Variants in SYT1 observed in about 807,000 individuals in gnomAD.
SYT1 encodes synaptotagmin-1.
In SYT1, 8 loss-of-function variants were observed where a neutral mutation model predicts 44.8. That is an observed-to-expected ratio of 0.18 (90% CI 0.10 to 0.32). SYT1 has a LOEUF of 0.32. SYT1 is among the 10% of genes least tolerant of loss of function. The probability of loss-of-function intolerance (pLI) is 1.00; values close to 1 mark genes in which losing one functional copy is unlikely to be tolerated. For synonymous variants in SYT1, 154 were observed against 188.8 expected (o/e 0.82, Z 1.51); for missense variants, 286 against 509.3 (o/e 0.56, Z 4.22).
rs187086511 is a variant in SYT1, at chr12:78,943,935, C to A, written c.-216-33864C>A. Among the ~76,000 whole-genome samples, 379 of 152,314 alleles carry A rather than the reference C, an allele frequency of 2.5e-3. 6 individuals are homozygous for A. The Middle Eastern group carries it at 0.031, about 12-fold the overall frequency. On this transcript the variant is annotated intron_variant, in intron 1 of 10. Coordinates refer to ENST00000261205, the MANE Select transcript of SYT1 (RefSeq NM_005639.3). Reference sequence around the variant, plus strand: ...GAACCTCATACTAAGTCAGAAGTTACAACTTCTTCCTGTTGAATTAGTTGC... The same window carrying A: ...GAACCTCATACTAAGTCAGAAGTTAAAACTTCTTCCTGTTGAATTAGTTGC...
intron 1 of SYT1, among the ~76,000 whole-genome samples, chr12:78,920,003 T>C (rs1876888547): frequency 7.2e-6 from 1 of 139,648 alleles, no homozygotes; most frequent in Non-Finnish European, 1.5e-5. Flanking sequence ...TAGCAATATA[T>C]TGTAGAGTAT....
At chr12:79,042,218 A>G (rs1027447011) in intron 2 of SYT1, among the ~76,000 whole-genome samples, 2 of 151,800 alleles carry the variant, frequency 1.3e-5, no homozygotes, top group African/African-American at 4.8e-5. Flanking sequence ...TCCTCCTTAT[A>G]CCTCTGGTAG....
At chr12:78,979,195 G>A (rs1869066012) in intron 2 of SYT1, among the ~76,000 whole-genome samples, 3 of 151,956 alleles carry the variant, frequency 2.0e-5, no homozygotes, top group Non-Finnish European at 2.9e-5. Flanking sequence ...AATTTACATT[G>A]GATATTTTAA....
At chr12:79,139,007 C>T (rs776958006) in intron 3 of SYT1, among the ~76,000 whole-genome samples, 24 of 152,220 alleles carry the variant, frequency 1.6e-4, no homozygotes, top group Non-Finnish European at 3.2e-4. Flanking sequence ...GCAAGGTCCA[C>T]AGGACTGGCA....
intron 1 of SYT1, among the ~76,000 whole-genome samples, chr12:78,922,498 A>C (rs1877063271): frequency 6.6e-6 from 1 of 151,912 alleles, no homozygotes; most frequent in Non-Finnish European, 1.5e-5. Context: ...AAATTAAAAA[A>C]ATTCTCAGAC....
At chr12:79,311,920 A>T (rs988951991) in intron 8 of SYT1, among the ~76,000 whole-genome samples, 13 of 147,762 alleles carry the variant, frequency 8.8e-5, no homozygotes, top group African/African-American at 2.7e-4. Flanking sequence ...CTAATGCTAA[A>T]TGACGAGTTA....
chr12:79,153,615 A>G (rs909690410), intron 3 of SYT1, among the ~76,000 whole-genome samples: 2 of 152,150 alleles, frequency 1.3e-5, no homozygotes, highest in Non-Finnish European at 1.5e-5. Flanking sequence ...CTATGCAGCA[A>G]TGGTAACCCT....
At chr12:79,336,560 G>A (rs988321266) in intron 8 of SYT1, among the ~76,000 whole-genome samples, 2 of 151,898 alleles carry the variant, frequency 1.3e-5, no homozygotes, top group Non-Finnish European at 2.9e-5. Context: ...GTTGACAGAG[G>A]CCATGGCAAG....
chr12:78,878,184 A>G (rs1233141115), intron 1 of SYT1, among the ~76,000 whole-genome samples: 6 of 151,650 alleles, frequency 4.0e-5, no homozygotes, highest in African/African-American at 1.2e-4. Context: ...AGATCGGAAG[A>G]GGATACACGA....
intron 9 of SYT1, among the ~76,000 whole-genome samples, chr12:79,361,546 A>G (rs1883316217): frequency 6.6e-6 from 1 of 152,222 alleles, no homozygotes; most frequent in Admixed American, 6.5e-5. Context: ...ACTCACTAAC[A>G]TAAATCAGTT....
At chr12:79,376,877 G>A (rs932418493) in intron 9 of SYT1, among the ~76,000 whole-genome samples, 2 of 152,040 alleles carry the variant, frequency 1.3e-5, no homozygotes, top group East Asian at 1.9e-4. Context: ...TTCACTGCCC[G>A]ATATCACATT....
chr12:79,035,027 G>A (rs1873041234), intron 2 of SYT1, among the ~76,000 whole-genome samples: 1 of 151,496 alleles, frequency 6.6e-6, no homozygotes, highest in Non-Finnish European at 1.5e-5. Flanking sequence ...GTCCTTACTG[G>A]TCTTGCATTT....
At chr12:79,089,369 T>C (rs1313644291) in intron 3 of SYT1, among the ~76,000 whole-genome samples, 1 of 152,050 alleles carries the variant, frequency 6.6e-6, no homozygotes. Context: ...CTGAGTTATC[T>C]ATTTCTGTGT....
intron 8 of SYT1, among the ~76,000 whole-genome samples, chr12:79,324,630 T>C (rs1005851385): frequency 6.6e-6 from 1 of 152,208 alleles, no homozygotes; most frequent in African/African-American, 2.4e-5. Context: ...TCAAAATGAA[T>C]TAGCATTTAA....
At chr12:79,252,683 A>G (rs999090666) in intron 4 of SYT1, among the ~76,000 whole-genome samples, 2 of 152,164 alleles carry the variant, frequency 1.3e-5, no homozygotes, top group African/African-American at 4.8e-5. Flanking sequence ...CAGAAGTTCT[A>G]CTGATCCACC....
chr12:79,186,549 A>G (rs1872811723), intron 3 of SYT1, among the ~76,000 whole-genome samples: 1 of 152,052 alleles, frequency 6.6e-6, no homozygotes, highest in Admixed American at 6.6e-5. Context: ...CTTTGAGAGA[A>G]AGGAAGTAAT....
intron 1 of SYT1, among the ~76,000 whole-genome samples, chr12:78,937,765 T>G (rs1189768023): frequency 6.6e-6 from 1 of 152,184 alleles, no homozygotes; most frequent in Non-Finnish European, 1.5e-5. Flanking sequence ...GAAAATTCTA[T>G]AGTGTGCTAT....
chr12:79,208,868 T>C (rs190271553), intron 3 of SYT1, among the ~76,000 whole-genome samples: 39 of 152,040 alleles, frequency 2.6e-4, no homozygotes, highest in Non-Finnish European at 5.4e-4. Flanking sequence ...AAAAGCACTA[T>C]GAGAAATACT....
At chr12:78,977,450 G>A (rs1266926836) in intron 1 of SYT1, 1 of 152,208 alleles carries the variant, frequency 6.6e-6, no homozygotes, top group African/African-American at 2.4e-5. Flanking sequence ...ATAATTCCCT[G>A]CTGTTGGTAA....
Sources: allele counts gnomAD v4.1 joint callset (sites outside exome capture counted in the v4.1 genomes callset), GRCh38; gene constraint gnomAD v4.1.1; transcripts MANE v1.5; gene names NCBI Gene and HGNC (gene_info 2026-07-23, HGNC 2026-07-21).